GTF2E2: variants seen among roughly 807,000 people sequenced by gnomAD.
The protein encoded by GTF2E2 is transcription initiation factor IIE subunit beta.
A neutral mutation model predicts 40.5 loss-of-function variants in GTF2E2; 21 were observed. The observed-to-expected ratio is 0.52, with a 90% CI of 0.37 to 0.75. GTF2E2 has a LOEUF of 0.75. GTF2E2 is among the 30% of genes least tolerant of loss of function. The pLI, the probability that GTF2E2 is intolerant of heterozygous loss-of-function variation, is 0.00. For missense variants in GTF2E2, 298 were observed against 338.4 expected, an observed-to-expected ratio of 0.88 and a Z score of 0.94; for synonymous variants, 117 against 121.6, an observed-to-expected ratio of 0.96 and a Z score of 0.25.
chr8:30,626,063 A>T (rs1291863033), intron 3 of GTF2E2, among the ~76,000 whole-genome samples: 1 of 152,244 alleles, frequency 6.6e-6, no homozygotes, highest in East Asian at 1.9e-4. Context: ...TTATAGGACC[A>T]AACAAACTCT....
At chr8:30,584,411 C>A (rs1200405424) in intron 6 of GTF2E2, 1 of 151,988 alleles carries the variant, frequency 6.6e-6, no homozygotes, top group Non-Finnish European at 1.5e-5. Flanking sequence ...ACAAAATGAT[C>A]AAGGGACATC....
chr8:30,656,404 C>T (rs545480717), intron 1 of GTF2E2, among the ~76,000 whole-genome samples: 2 of 152,236 alleles, frequency 1.3e-5, no homozygotes, highest in South Asian at 4.1e-4. Context: ...GGAGAATTGT[C>T]AAGTGAGAAG....
chr8:30,629,746 T>C (rs982567659), intron 3 of GTF2E2, among the ~76,000 whole-genome samples: 1 of 138,164 alleles, frequency 7.2e-6, no homozygotes, highest in Non-Finnish European at 1.6e-5. Flanking sequence ...TCAAATTCAA[T>C]AGGTCTGGAA....
At chr8:30,616,701 T>G (rs955395443) in intron 3 of GTF2E2, among the ~76,000 whole-genome samples, 3 of 152,106 alleles carry the variant, frequency 2.0e-5, no homozygotes, top group Non-Finnish European at 2.9e-5. Flanking sequence ...AATGTACTCT[T>G]CTGGTGCAGG....
At chr8:30,618,331 T>C (rs1266170026) in intron 3 of GTF2E2, among the ~76,000 whole-genome samples, 1 of 151,972 alleles carries the variant, frequency 6.6e-6, no homozygotes, top group East Asian at 1.9e-4. Context: ...ATATGTGGAC[T>C]GACAAATACT....
At chr8:30,609,720 A>C (rs902437067) in intron 5 of GTF2E2, among the ~76,000 whole-genome samples, 2 of 152,154 alleles carry the variant, frequency 1.3e-5, no homozygotes, top group Admixed American at 6.5e-5. Context: ...ATCTCATGTC[A>C]AACTGTAATC....
chr8:30,587,541 T>C (rs754531067), intron 6 of GTF2E2, among the ~76,000 whole-genome samples: 1 of 151,178 alleles, frequency 6.6e-6, no homozygotes, highest in Non-Finnish European at 1.5e-5. Context: ...TCAGAAATCC[T>C]GAAATGTCAG....
intron 3 of GTF2E2, among the ~76,000 whole-genome samples, chr8:30,620,932 A>G (rs868729349): frequency 5.0e-4 from 74 of 147,212 alleles, no homozygotes; most frequent in Middle Eastern, 3.5e-3. Context: ...ACATCTTGGA[A>G]AAAAAAAAAA....
intron 4 of GTF2E2, among the ~76,000 whole-genome samples, chr8:30,614,026 C>G (rs1484613238): frequency 6.6e-6 from 1 of 152,116 alleles, no homozygotes; most frequent in Non-Finnish European, 1.5e-5. Context: ...AAAACAAAAA[C>G]AATTCAATTT....
chr8:30,614,603 CT>C lies in GTF2E2; in HGVS notation c.366+4del. 6.9e-7 allele frequency: 1 copy of C among 1,440,208 alleles called. No homozygotes were observed. The highest frequency in any genetic ancestry group is 9.7e-7 in the Non-Finnish European group (1 of 1,030,120). The allele number at this position is 1,440,208 out of a possible 1,614,324, so 89.2% of individuals were successfully genotyped here. ...ATCTCTCTTGATAATCAACTAAATT[CT>C]TACCTCAGTCATTAGCCATTGTTTC... On this transcript the variant is annotated splice_donor_region_variant and intron_variant, in intron 4 of 7. Coordinates refer to ENST00000355904, the MANE Select transcript of GTF2E2 (RefSeq NM_002095.6).
At chr8:30,647,005 A>AAAG (rs1802106913) in intron 2 of GTF2E2, among the ~76,000 whole-genome samples, 1 of 146,388 alleles carries the variant, frequency 6.8e-6, no homozygotes, top group Non-Finnish European at 1.5e-5. Flanking sequence ...AAAAAAAAAA[A>AAAG]GCAACCGAAA....
intron 6 of GTF2E2, among the ~76,000 whole-genome samples, chr8:30,583,940 G>C (rs1828595060): frequency 6.6e-6 from 1 of 151,936 alleles, no homozygotes; most frequent in Admixed American, 6.6e-5. Flanking sequence ...CGAGTAGCTG[G>C]GACTACAGGC....
intron 2 of GTF2E2, 50 bp from the exon 3 acceptor site, chr8:30,635,173 T>A: frequency 1.0e-6 from 1 of 988,414 alleles, no homozygotes; most frequent in Non-Finnish European, 1.6e-6. Context: ...TGATTATGAC[T>A]CTTGAGCAGC....
chr8:30,614,699 C>G lies in GTF2E2; in HGVS notation c.275G>C (p.Gly92Ala). The G allele has an allele frequency of 6.3e-7, 1 of 1,599,528 alleles. No homozygotes were observed. The change falls in exon 4 of 8, where the codon GGA becomes GCA. Residue 92 changes from glycine (G) to alanine (A), a missense_variant. Coordinates refer to ENST00000355904, the MANE Select transcript of GTF2E2 (RefSeq NM_002095.6). ...VNYMKTRHQR[G>A]DTHPLTLDEI... ...ATCTAAGGTTAGAGGATGCGTATCT[C>G]CTCGCTGATGCCGTGTCTATCAAGT... is the stretch of plus-strand genomic sequence containing the variant.
At chr8:30,615,273 C>G (rs1800885660) in intron 3 of GTF2E2, among the ~76,000 whole-genome samples, 1 of 152,110 alleles carries the variant, frequency 6.6e-6, no homozygotes, top group Non-Finnish European at 1.5e-5. Context: ...GAGCAAGACT[C>G]TGTCTTGAAA....
chr8:30,645,872 G>T, intron 2 of GTF2E2: 1 of 304,504 alleles, frequency 3.3e-6, no homozygotes, highest in Non-Finnish European at 6.0e-6. Context: ...TCAATATTAA[G>T]CAGCAAAAGA....
intron 6 of GTF2E2, among the ~76,000 whole-genome samples, chr8:30,595,852 A>G (rs1828987329): frequency 6.6e-6 from 1 of 152,120 alleles, no homozygotes; most frequent in African/African-American, 2.4e-5. Flanking sequence ...GGAAAGGAAA[A>G]GGGGAAGGGG....
At chr8:30,601,505 G>A (rs540924173) in intron 6 of GTF2E2, among the ~76,000 whole-genome samples, 1 of 152,004 alleles carries the variant, frequency 6.6e-6, no homozygotes, top group Non-Finnish European at 1.5e-5. Flanking sequence ...CAAGGATGCT[G>A]ATCAATGCCC....
chr8:30,599,008 T>C (rs1255149219), intron 6 of GTF2E2, among the ~76,000 whole-genome samples: 1 of 151,996 alleles, frequency 6.6e-6, no homozygotes, highest in African/African-American at 2.4e-5. Context: ...TAAAAATTAA[T>C]AAAATAAAAA....
Sources: gnomAD v4.1 joint callset for allele counts (sites outside exome capture counted in the v4.1 genomes callset) on GRCh38, gnomAD v4.1.1 for gene constraint, MANE v1.5 for transcripts, NCBI Gene and HGNC (gene_info 2026-07-23, HGNC 2026-07-21) for gene names.